CDH12: variants seen among roughly 807,000 people sequenced by gnomAD.
CDH12 encodes cadherin 12.
Under a neutral mutation model 74.1 loss-of-function variants are expected in CDH12, and 41 were observed. The ratio of observed to expected loss-of-function variants is 0.55; its 90% CI spans 0.43 to 0.72. The LOEUF (loss-of-function observed/expected upper bound fraction) is 0.72. CDH12 is among the 30% of genes least tolerant of loss of function. CDH12 has a pLI of 0.00. For missense variants in CDH12, 945 were observed against 977.2 expected (o/e 0.97, Z 0.44); for synonymous variants, 399 against 355.0 (o/e 1.12, Z -1.39).
intron 6 of CDH12, among the ~76,000 whole-genome samples, chr5:21,876,354 A>AT (rs1751939318): frequency 6.6e-6 from 1 of 152,006 alleles, no homozygotes; most frequent in African/African-American, 2.4e-5. Flanking sequence ...ATATACCCTG[A>AT]TTTTGTCTCT....
At chr5:22,456,587 T>C (rs1194435994) in intron 2 of CDH12, among the ~76,000 whole-genome samples, 1 of 152,260 alleles carries the variant, frequency 6.6e-6, no homozygotes, top group Non-Finnish European at 1.5e-5. Context: ...AACTATTGAT[T>C]TGTAAGTACA....
At chr5:22,797,541 A>C (rs150048067) in intron 1 of CDH12, among the ~76,000 whole-genome samples, 264 of 152,330 alleles carry the variant, frequency 1.7e-3, no homozygotes, top group African/African-American at 6.1e-3. Flanking sequence ...ACTTAGATAT[A>C]TTATAAATAA....
chr5:22,624,753 G>A (rs1012580533), intron 1 of CDH12, among the ~76,000 whole-genome samples: 12 of 152,288 alleles, frequency 7.9e-5, no homozygotes, highest in African/African-American at 1.2e-4. Flanking sequence ...ACAGTGTGGC[G>A]ATTCCTCAAG....
chr5:22,003,639 G>C (rs1208241232), intron 5 of CDH12, among the ~76,000 whole-genome samples: 1 of 151,970 alleles, frequency 6.6e-6, no homozygotes, highest in Non-Finnish European at 1.5e-5. Context: ...CAAAAAGTGA[G>C]TAATTCATTT....
chr5:21,856,590 C>A (rs534163667), intron 6 of CDH12, among the ~76,000 whole-genome samples: 1 of 151,618 alleles, frequency 6.6e-6, no homozygotes, highest in Non-Finnish European at 1.5e-5. Flanking sequence ...AAGATGAACA[C>A]GTATTGTCTT....
In CDH12 at chr5:22,010,269, T is replaced by C. The variant is rs528118855; in HGVS notation, c.232-34884A>G. Among the ~76,000 whole-genome samples, 387 of 152,292 alleles carry C rather than the reference T, an allele frequency of 2.5e-3. 2 individuals carry two copies. Among genetic ancestry groups the C allele is most frequent in the African/African-American group, 8.9e-3 (370 of 41,576 alleles). On this transcript the variant is annotated intron_variant, in intron 5 of 14. Transcript: ENST00000382254. The stretch of plus-strand genomic sequence containing the variant: ...AACTAATTAATGGATTGTAAAATTT[T>C]CTCTTTTGCTTCTCCCTTTTCCATG...
intron 1 of CDH12, among the ~76,000 whole-genome samples, chr5:22,734,053 C>T (rs112864951): frequency 1.1e-4 from 16 of 152,014 alleles, no homozygotes; most frequent in African/African-American, 3.4e-4. Flanking sequence ...CCCCCTATGT[C>T]GACTAGCTGT....
At chr5:22,516,227 T>C (rs1736801260) in intron 1 of CDH12, among the ~76,000 whole-genome samples, 1 of 152,040 alleles carries the variant, frequency 6.6e-6, no homozygotes, top group Non-Finnish European at 1.5e-5. Context: ...CTGACAAAAA[T>C]ATAAATTAGT....
intron 1 of CDH12, among the ~76,000 whole-genome samples, chr5:22,550,718 A>G (rs1738526816): frequency 6.6e-6 from 1 of 152,198 alleles, no homozygotes; most frequent in Non-Finnish European, 1.5e-5. Flanking sequence ...CAGAATAATC[A>G]TTTAACTTTA....
intron 4 of CDH12, among the ~76,000 whole-genome samples, chr5:22,098,662 A>G (rs959115930): frequency 2.0e-5 from 3 of 152,050 alleles, no homozygotes; most frequent in African/African-American, 4.8e-5. Context: ...GTCGCCCACA[A>G]TTACAATTGT....
At chr5:22,538,713 T>C (rs1007337549) in intron 1 of CDH12, among the ~76,000 whole-genome samples, 53 of 152,348 alleles carry the variant, frequency 3.5e-4, no homozygotes, top group Admixed American at 1.2e-3. Context: ...TTCAGACTGA[T>C]TTTTTATAAT....
rs962650118 is a variant in CDH12 at position 22,444,798 on chromosome 5, T to G, written c.-427-39447A>C. 5.3e-5 allele frequency among the ~76,000 whole-genome samples: 8 copies of G among 152,044 alleles called. No homozygotes were observed. The South Asian group carries it at 1.4e-3, about 28-fold the overall frequency. On this transcript the variant is annotated intron_variant, in intron 2 of 14. Transcript: ENST00000382254. ...CCATAAATTAAATAAATTCATATTA[T>G]TAGTATTTTCTAGTTCCCAATATAT...
intron 3 of CDH12, among the ~76,000 whole-genome samples, chr5:22,258,486 T>C (rs937947142): frequency 3.3e-5 from 5 of 151,942 alleles, no homozygotes; most frequent in Non-Finnish European, 5.9e-5. Flanking sequence ...AGCATATCTA[T>C]AGTAAAACCA....
intron 5 of CDH12, among the ~76,000 whole-genome samples, chr5:21,989,340 A>C (rs950151577): frequency 8.5e-5 from 13 of 152,192 alleles, no homozygotes; most frequent in Admixed American, 8.5e-4. Flanking sequence ...ATTTATTGTG[A>C]AAGCGATTGA....
At chr5:22,328,069 A>T (rs1739196924) in intron 3 of CDH12, among the ~76,000 whole-genome samples, 1 of 152,156 alleles carries the variant, frequency 6.6e-6, no homozygotes, top group Non-Finnish European at 1.5e-5. Context: ...GGAGGCAAGG[A>T]TTAGGCAGAA....
At position 22,215,664 on chromosome 5, in the gene CDH12, A is replaced by G. The variant is rs143084310; in HGVS notation, c.-332-3021T>C. Reference sequence around the variant, plus strand: ...AACAGCCATAAAAATATATTAGACCAAAATTATGATGATTTTTACTAACCT... The same window carrying G: ...AACAGCCATAAAAATATATTAGACCGAAATTATGATGATTTTTACTAACCT... On this transcript the variant is annotated intron_variant, in intron 3 of 14. Transcript: ENST00000382254. Among the ~76,000 whole-genome samples the G allele has an allele frequency of 3.8e-3, 574 of 152,296 alleles. 5 individuals are homozygous for G. Among genetic ancestry groups the G allele is most frequent in the African/African-American group, 0.013 (551 of 41,578 alleles).
chr5:21,894,674 A>T (rs942938530), intron 6 of CDH12, among the ~76,000 whole-genome samples: 3 of 152,120 alleles, frequency 2.0e-5, no homozygotes, highest in African/African-American at 7.2e-5. Flanking sequence ...TTTAAAGAAC[A>T]TTACCCCTTT....
chr5:22,487,052 TG>T (rs1561440821), intron 2 of CDH12, among the ~76,000 whole-genome samples: 2 of 140,280 alleles, frequency 1.4e-5, no homozygotes, highest in African/African-American at 5.3e-5. Flanking sequence ...GCTTTTTTTG[TG>T]TGTGTGTGGC....
chr5:22,487,473 G>A (rs957109819), intron 2 of CDH12, among the ~76,000 whole-genome samples: 1 of 152,136 alleles, frequency 6.6e-6, no homozygotes, highest in African/African-American at 2.4e-5. Context: ...AGGAAATGCT[G>A]TAATTTAACT....
Sources: allele counts gnomAD v4.1 joint callset (sites outside exome capture counted in the v4.1 genomes callset), GRCh38; gene constraint gnomAD v4.1.1; transcripts MANE v1.5; gene names NCBI Gene and HGNC (gene_info 2026-07-23, HGNC 2026-07-21).